The following LDLRAD1 variants were observed in gnomAD, a reference collection of about 807,000 sequenced individuals.
LDLRAD1 encodes the protein low-density lipoprotein receptor class A domain-containing protein 1.
Under a neutral mutation model 24.8 loss-of-function variants are expected in LDLRAD1, and 17 were observed. That is an observed-to-expected ratio of 0.69 (90% CI 0.47 to 1.03). The LOEUF (loss-of-function observed/expected upper bound fraction) is 1.03. LDLRAD1 is among the 50% of genes least tolerant of loss of function. The pLI, the probability that LDLRAD1 is intolerant of heterozygous loss-of-function variation, is 0.00. For synonymous variants in LDLRAD1, 103 were observed against 108.2 expected (o/e 0.95, Z 0.30); for missense variants, 277 against 271.0 (o/e 1.02, Z -0.16).
chr1:54,010,286 G>T lies in LDLRAD1; in HGVS notation c.465C>A (p.Ser155Arg). The T allele has an allele frequency of 6.2e-7, 1 of 1,613,966 alleles. No homozygotes were observed. The highest frequency in any genetic ancestry group is 8.5e-7 in the Non-Finnish European group (1 of 1,179,958). The change falls in exon 5 of 6, where the codon AGC becomes AGA. Residue 155 changes from serine to arginine, a missense_variant. Ser to Arg is a moderately radical substitution (Grantham distance 110). Coordinates refer to ENST00000371360, the MANE Select transcript of LDLRAD1 (RefSeq NM_001010978.4). ...NNCGDCSDEL[S>R]PVTVCPPCGP... ...AGCCTGTGCCCAGACCCCTACCTGG[G>T]CTCAGTTCATCTGAACAGTCCCCGC...
intron 3 of LDLRAD1, among the ~76,000 whole-genome samples, chr1:54,013,691 A>C (rs1210163574): frequency 6.8e-6 from 1 of 146,678 alleles, no homozygotes; most frequent in Non-Finnish European, 1.5e-5. Context: ...TCCTACCCTG[A>C]CTCCTCAATG....
intron 2 of LDLRAD1, among the ~76,000 whole-genome samples, chr1:54,014,926 C>T (rs962885635): frequency 1.8e-4 from 28 of 152,164 alleles, no homozygotes; most frequent in Admixed American, 3.3e-4. Context: ...CCAGCTCTAC[C>T]GCATCCTACC....
chr1:54,015,357 G>A (rs1178490597), intron 2 of LDLRAD1, among the ~76,000 whole-genome samples: 2 of 152,200 alleles, frequency 1.3e-5, no homozygotes, highest in Non-Finnish European at 2.9e-5. Flanking sequence ...CCCTGCTCTT[G>A]TAGAACTGTA....
chr1:54,012,368 C>G, intron 3 of LDLRAD1, 88 bp from the exon 4 acceptor site: 1 of 1,453,664 alleles, frequency 6.9e-7, no homozygotes, highest in East Asian at 2.3e-5. Context: ...TAGAGCTGGC[C>G]TGAGGGGCTG....
chr1:54,007,962 G>A lies in LDLRAD1; in HGVS notation c.*1020C>T, dbSNP rs903460265. On this transcript the variant is annotated 3_prime_UTR_variant, in exon 6 of 6. Coordinates refer to ENST00000371360, the MANE Select transcript of LDLRAD1 (RefSeq NM_001010978.4). ...ATATTCATCCTTGCCTGCCTGGGTGGTGTGAAGCTGGAAAGATAAGCACAG... is the reference window on the plus strand; with the variant it reads ...ATATTCATCCTTGCCTGCCTGGGTGATGTGAAGCTGGAAAGATAAGCACAG... 6 of 152,252 alleles carry A rather than the reference G, an allele frequency of 3.9e-5. No individual in the cohort carries two copies. Among genetic ancestry groups the A allele is most frequent in the African/African-American group, 1.4e-4 (6 of 41,440 alleles). The allele number at this position is 152,252 out of a possible 1,614,324, so 9.4% of individuals were successfully genotyped here.
rs1483538843 is a variant in LDLRAD1, at chr1:54,014,356, C to A, written c.82G>T (p.Gly28Cys). ...KAHPGGEAGG[G>C]HLCCSRRGAC... ...CCGCGACGTGAGCAGCAGAGGTGGC[C>A]GCCGCCTGCTGTGTGGGGGGGAAAC... Residue 28 changes from glycine (G) to cysteine (C), a missense_variant, in exon 3 of 6, where the codon GGC (glycine) becomes TGC (cysteine). Coordinates refer to ENST00000371360, the MANE Select transcript of LDLRAD1 (RefSeq NM_001010978.4). The A allele has an allele frequency of 6.5e-7, 1 of 1,543,858 alleles. No homozygotes were observed. Among genetic ancestry groups the A allele is most frequent in the Non-Finnish European group, 8.7e-7 (1 of 1,142,940 alleles).
rs754265701 is a variant in LDLRAD1, at chr1:54,012,274, TG to T, written c.208del (p.Gln70LysfsTer4). 14 of 1,613,978 alleles carry T rather than the reference TG, an allele frequency of 8.7e-6. No individual in the cohort carries two copies. Among genetic ancestry groups the T allele is most frequent in the African/African-American group, 4.0e-5 (3 of 74,924 alleles). On this transcript the variant is annotated frameshift_variant, in exon 4 of 6. Coordinates refer to ENST00000371360, the MANE Select transcript of LDLRAD1 (RefSeq NM_001010978.4). LOFTEE classifies it high-confidence loss of function. ...CCTGTTTGTCAGTGTTATACAAGCT[TG>T]GGCTCCTGAATGGGCAGGGAAAGGC... ...LGLPSCTPGAQACITLTNRTG... is the reference protein window; with the variant it reads ...LGLPSCTPGAXACITLTNRTG...
intron 4 of LDLRAD1, among the ~76,000 whole-genome samples, chr1:54,011,057 A>G (rs567339024): frequency 6.6e-6 from 1 of 152,310 alleles, no homozygotes; most frequent in Admixed American, 6.5e-5. Flanking sequence ...AGGCCTGTCC[A>G]GGGACGGGGA....
chr1:54,008,856 C>G lies in LDLRAD1; in HGVS notation c.*126G>C. 2.3e-6 allele frequency: 2 copies of G among 853,906 alleles called. No individual in the cohort carries two copies. Among genetic ancestry groups the G allele is most frequent in the Non-Finnish European group, 3.6e-6 (2 of 551,220 alleles). The allele number at this position is 853,906 out of a possible 1,614,324, so 52.9% of individuals were successfully genotyped here. On this transcript the variant is annotated 3_prime_UTR_variant, in exon 6 of 6. Coordinates refer to ENST00000371360, the MANE Select transcript of LDLRAD1 (RefSeq NM_001010978.4). ...GAAAGGAGGAGAGAAAATTCCTATT[C>G]AGAAATGATGTGTAGATCCCATTTC...
intron 4 of LDLRAD1, 61 bp from the exon 5 acceptor site, chr1:54,010,471 A>G (rs1312113146): frequency 8.8e-6 from 14 of 1,589,684 alleles, no homozygotes; most frequent in South Asian, 1.1e-5. Context: ...TCTGAGGGTT[A>G]TCGGGAGGAG....
chr1:54,012,889 C>G (rs1326290882), intron 3 of LDLRAD1, among the ~76,000 whole-genome samples: 9 of 152,216 alleles, frequency 5.9e-5, no homozygotes, highest in South Asian at 4.1e-4. Flanking sequence ...TAGGGCTGCC[C>G]CAAAGAATTA....
At position 54,008,874 on chromosome 1, in the gene LDLRAD1, C is replaced by CTCGGTTGT; in HGVS notation, c.*107_*108insACAACCGA. The CTCGGTTGT allele has an allele frequency of 1.0e-6, 1 of 992,510 alleles. No individual in the cohort carries two copies. The highest frequency in any genetic ancestry group is 1.5e-6 in the Non-Finnish European group (1 of 665,244). The allele number at this position is 992,510 out of a possible 1,614,324, so 61.5% of individuals were successfully genotyped here. On this transcript the variant is annotated 3_prime_UTR_variant, in exon 6 of 6. Transcript: ENST00000371360. ...TCCTATTCAGAAATGATGTGTAGAT[C>CTCGGTTGT]CCATTTCAAAGGCTGCTTCCTGCCC...
At chr1:54,018,024 C>G in intron 1 of LDLRAD1, 68 bp downstream of exon 1, 1 of 1,407,134 alleles carries the variant, frequency 7.1e-7, no homozygotes, top group Admixed American at 1.7e-5. Context: ...CAGCTCTCAC[C>G]TGGGGACAGC....
chr1:54,015,359 A>G (rs1251798530), intron 2 of LDLRAD1, among the ~76,000 whole-genome samples: 2 of 152,206 alleles, frequency 1.3e-5, no homozygotes. Flanking sequence ...CTGCTCTTGT[A>G]GAACTGTACT....
In LDLRAD1 at chr1:54,010,281, C is replaced by T. The variant is rs200357873; in HGVS notation, c.469+1G>A. The T allele has an allele frequency of 6.2e-6, 10 of 1,613,866 alleles. No individual in the cohort carries two copies. On this transcript the variant is annotated splice_donor_variant, in intron 5 of 5. Transcript: ENST00000371360. LOFTEE classifies it high-confidence loss of function. Reference sequence around the variant, plus strand: ...AGCCCAGCCTGTGCCCAGACCCCTACCTGGGCTCAGTTCATCTGAACAGTC... The same window carrying T: ...AGCCCAGCCTGTGCCCAGACCCCTATCTGGGCTCAGTTCATCTGAACAGTC...
chr1:54,010,400 G>A lies in LDLRAD1; in HGVS notation c.351C>T (p.Pro117=). ...DEDESLCRDV[P]QSLPHFLVAH... is the part of the protein sequence containing the mutation. The stretch of plus-strand genomic sequence containing the variant: ...CCACAAGGAAGTGGGGGAGGCTCTG[G>A]GGCACATCTCCTGTAGAGGTACAGA... Residue 117 remains proline, a synonymous_variant, in exon 5 of 6, where the codon CCC becomes CCT. Transcript: ENST00000371360. 2 of 1,613,892 alleles carry A rather than the reference G, an allele frequency of 1.2e-6. No homozygotes were observed. Among genetic ancestry groups the A allele is most frequent in the Non-Finnish European group, 1.7e-6 (2 of 1,179,986 alleles).
chr1:54,009,250 G>A (rs1430293600), intron 5 of LDLRAD1, 120 bp from the exon 6 acceptor site: 4 of 878,656 alleles, frequency 4.6e-6, no homozygotes, highest in Non-Finnish European at 7.3e-6. Context: ...CATCTGACGT[G>A]AGTTGAGTGT....
chr1:54,011,823 T>G (rs557142676), intron 4 of LDLRAD1, among the ~76,000 whole-genome samples: 3 of 152,328 alleles, frequency 2.0e-5, no homozygotes, highest in African/African-American at 7.2e-5. Flanking sequence ...TCACAGGGAC[T>G]GTGGAAGCCC....
chr1:54,014,410 C>G (rs1296654616), intron 2 of LDLRAD1, 46 bp from the exon 3 acceptor site: 10 of 1,519,712 alleles, frequency 6.6e-6, no homozygotes, highest in Admixed American at 5.9e-5. Context: ...GATAGGGGGC[C>G]AGCGCTAGGA....
Sources: gnomAD v4.1 joint callset for allele counts (sites outside exome capture counted in the v4.1 genomes callset) on GRCh38, gnomAD v4.1.1 for gene constraint, MANE v1.5 for transcripts, NCBI Gene and HGNC (gene_info 2026-07-23, HGNC 2026-07-21) for gene names.